Variants in CUL4A observed in about 807,000 individuals in gnomAD.
The protein encoded by CUL4A is cullin 4A.
In CUL4A, 16 loss-of-function variants were observed where a neutral mutation model predicts 95.5. The ratio of observed to expected loss-of-function variants is 0.17; its 90% CI spans 0.11 to 0.25. The LOEUF (loss-of-function observed/expected upper bound fraction) is 0.25, where lower values mean the gene tolerates loss of function less well. CUL4A is among the 10% of genes least tolerant of loss of function. The pLI is 1.00. For synonymous variants in CUL4A, 380 were observed against 353.1 expected, an observed-to-expected ratio of 1.08 and a Z score of -0.85; for missense variants, 610 against 937.0, an observed-to-expected ratio of 0.65 and a Z score of 4.56.
chr13:113,216,111 C>T (rs980377557), intron 2 of CUL4A, among the ~76,000 whole-genome samples: 3 of 148,656 alleles, frequency 2.0e-5, no homozygotes, highest in African/African-American at 5.0e-5. Flanking sequence ...CTGTGGAGGT[C>T]GCTGTGTGAC....
chr13:113,230,502 G>A (rs1386652397), intron 5 of CUL4A, among the ~76,000 whole-genome samples: 18 of 152,288 alleles, frequency 1.2e-4, no homozygotes, highest in Admixed American at 1.2e-3. Context: ...AGGCATCCAT[G>A]TGGTCTACGA....
intron 12 of CUL4A, 97 bp downstream of exon 12, chr13:113,244,611 T>G: frequency 1.2e-6 from 1 of 825,012 alleles, no homozygotes; most frequent in Non-Finnish European, 2.0e-6. Context: ...TCAGTATCAG[T>G]AGAGCCAGTT....
chr13:113,238,291 T>TA (rs1263007273), intron 9 of CUL4A, among the ~76,000 whole-genome samples: 4 of 151,860 alleles, frequency 2.6e-5, no homozygotes, highest in African/African-American at 4.8e-5. Context: ...AAAATAAAAA[T>TA]AAAATTTTTT....
chr13:113,212,177 G>C (rs1416424338), intron 2 of CUL4A, among the ~76,000 whole-genome samples: 1 of 152,192 alleles, frequency 6.6e-6, no homozygotes, highest in African/African-American at 2.4e-5. Context: ...TTGAGTATTT[G>C]AGTTTATTAT....
Position 113,264,436 on chromosome 13 carries a change from C to T in CUL4A, c.*854C>T, listed in dbSNP as rs1037012005. On this transcript the variant is annotated 3_prime_UTR_variant, in exon 20 of 20. Coordinates refer to ENST00000375440, the MANE Select transcript of CUL4A (RefSeq NM_001008895.4). ...TGGTTTTTACAGTCATGCGCAGGGA[C>T]GATCCTTGTTCTCTGCTGTAAACTG... 3.3e-5 allele frequency: 5 copies of T among 152,064 alleles called. No homozygotes were observed. The highest frequency in any genetic ancestry group is 4.1e-4 in the South Asian group (2 of 4,830). The allele number at this position is 152,064 out of a possible 1,614,324, so 9.4% of individuals were successfully genotyped here. A position where few individuals can be genotyped will look rare whatever the true frequency, so the allele number is the denominator to read the frequency against.
chr13:113,259,747 A>G (rs2042220240), intron 18 of CUL4A, among the ~76,000 whole-genome samples: 1 of 152,246 alleles, frequency 6.6e-6, no homozygotes, highest in Non-Finnish European at 1.5e-5. Context: ...TCTACATCAC[A>G]CATAGAGTTG....
Position 113,244,457 on chromosome 13 carries a change from G to A in CUL4A, c.1276G>A (p.Asp426Asn). Residue 426 changes from aspartate to asparagine, a missense_variant, in exon 12 of 20, where the codon GAC becomes AAC. Coordinates refer to ENST00000375440, the MANE Select transcript of CUL4A (RefSeq NM_001008895.4). ...KLRAGNKEATDEELERTLDKI... is the reference protein window; with the variant it reads ...KLRAGNKEATNEELERTLDKI... ...AAGAGCAGGCAACAAAGAAGCCACA[G>A]ACGAGGAGCTGGAGCGGACGTTGGA... is the stretch of plus-strand genomic sequence containing the variant. The A allele has an allele frequency of 5.0e-6, 8 of 1,613,894 alleles. No homozygotes were observed. The highest frequency in any genetic ancestry group is 6.8e-6 in the Non-Finnish European group (8 of 1,179,926).
intron 15 of CUL4A, among the ~76,000 whole-genome samples, chr13:113,252,827 A>G (rs1016528572): frequency 2.0e-5 from 3 of 152,202 alleles, no homozygotes; most frequent in Non-Finnish European, 2.9e-5. Context: ...AAGCCCTGGT[A>G]TGTACAGAGA....
At chr13:113,250,124 T>C (rs550233691) in intron 15 of CUL4A, among the ~76,000 whole-genome samples, 1 of 152,326 alleles carries the variant, frequency 6.6e-6, no homozygotes, top group East Asian at 1.9e-4. Context: ...TTTGTAACTT[T>C]TGGTGTCATG....
chr13:113,220,845 G>A (rs750469948), intron 3 of CUL4A, among the ~76,000 whole-genome samples: 3 of 152,188 alleles, frequency 2.0e-5, no homozygotes, highest in Admixed American at 6.5e-5. Flanking sequence ...CCAAGAAGTC[G>A]CAGGCTTATG....
chr13:113,236,805 T>C lies in CUL4A; in HGVS notation c.849-18T>C, dbSNP rs1200000034. 6.4e-7 allele frequency: 1 copy of C among 1,570,854 alleles called. No individual in the cohort carries two copies. Among genetic ancestry groups the C allele is most frequent in the South Asian group, 1.1e-5 (1 of 88,008 alleles). The stretch of plus-strand genomic sequence containing the variant: ...TTTAAACTTTACTTCTAACGCTTAT[T>C]CTTTTTACCTTATATAGGAAACCAC... On this transcript the variant is annotated intron_variant, in intron 8 of 19. Coordinates refer to ENST00000375440, the MANE Select transcript of CUL4A (RefSeq NM_001008895.4).
Position 113,263,916 on chromosome 13 carries a change from T to TTG in CUL4A, c.*336_*337dup, listed in dbSNP as rs2042352773. 5.2e-6 allele frequency: 1 copy of TTG among 192,678 alleles called. No individual in the cohort carries two copies. Among genetic ancestry groups the TTG allele is most frequent in the Admixed American group, 6.1e-5 (1 of 16,470 alleles). 11.9% of individuals were successfully genotyped at this position (192,678 alleles called of 1,614,324 possible). ...TGTGTCAAAAAGCTGCAAGTTTGGT[T>TTG]TGTTCTCGTGTGTGATCATGAGTGC... On this transcript the variant is annotated 3_prime_UTR_variant, in exon 20 of 20. Transcript: ENST00000375440.
chr13:113,223,148 A>C (rs2040963231), intron 3 of CUL4A, among the ~76,000 whole-genome samples: 1 of 152,176 alleles, frequency 6.6e-6, no homozygotes, highest in African/African-American at 2.4e-5. Context: ...TGTCCAACTC[A>C]GCACTGTGCG....
chr13:113,208,928 G>A (rs528432986), upstream of CUL4A: 2 of 1,343,750 alleles, frequency 1.5e-6, no homozygotes, highest in Admixed American at 3.7e-5. Context: ...ACAGCCCCAC[G>A]GCTAAACTGC....
In CUL4A at chr13:113,243,107, A is replaced by G. The variant is rs1254013059; in HGVS notation, c.1175A>G (p.Glu392Gly). The G allele has an allele frequency of 6.2e-7, 1 of 1,614,074 alleles. No individual in the cohort carries two copies. Among genetic ancestry groups the G allele is most frequent in the African/African-American group, 1.3e-5 (1 of 74,932 alleles). Reference protein sequence around the residue: ...KNERFVNLMKESFETFINKRP... With the variant: ...KNERFVNLMKGSFETFINKRP... ...GAGCGGTTCGTCAACCTGATGAAGG[A>G]GTCCTTTGAGACGTTCATCAACAAG... is the stretch of plus-strand genomic sequence containing the variant. Residue 392 changes from glutamate to glycine, a missense_variant, in exon 11 of 20, where the codon GAG becomes GGG. Transcript: ENST00000375440.
chr13:113,260,135 C>T (rs889346472), intron 18 of CUL4A, among the ~76,000 whole-genome samples: 2 of 140,842 alleles, frequency 1.4e-5, no homozygotes, highest in Non-Finnish European at 3.0e-5. Flanking sequence ...ACCCGGGGGG[C>T]GGAGCTTGTA....
chr13:113,212,447 G>A (rs1001366723), intron 2 of CUL4A, among the ~76,000 whole-genome samples: 7 of 152,186 alleles, frequency 4.6e-5, no homozygotes, highest in Non-Finnish European at 7.3e-5. Context: ...CTAGGTCTAC[G>A]ATCTATGTAG....
intron 15 of CUL4A, among the ~76,000 whole-genome samples, chr13:113,247,253 C>T (rs945329614): frequency 3.3e-5 from 5 of 152,086 alleles, no homozygotes; most frequent in African/African-American, 4.8e-5. Flanking sequence ...CACAGTTCAC[C>T]GTGAGATTTA....
rs1432824803 is a variant in CUL4A, at chr13:113,228,055, T to A, written c.438+10T>A. 2 of 1,607,416 alleles carry A rather than the reference T, an allele frequency of 1.2e-6. No homozygotes were observed. The highest frequency in any genetic ancestry group is 2.2e-5 in the East Asian group (1 of 44,850). On this transcript the variant is annotated intron_variant, in intron 4 of 19. Transcript: ENST00000375440. ...CCACTGCAGACAAATGGTAAGCTTG[T>A]TCACTTTTTCATCAAAACACGACCT...
Sources: allele counts gnomAD v4.1 joint callset (sites outside exome capture counted in the v4.1 genomes callset), GRCh38; gene constraint gnomAD v4.1.1; transcripts MANE v1.5; gene names NCBI Gene and HGNC (gene_info 2026-07-23, HGNC 2026-07-21).